PDZRN4: variants seen among roughly 807,000 people sequenced by gnomAD.
PDZRN4 encodes PDZ domain containing ring finger 4, also known as PDZ domain-containing RING finger protein 4.
PDZRN4 carries 70 observed loss-of-function variants against 99.0 expected under a neutral mutation model. The ratio of observed to expected loss-of-function variants is 0.71; its 90% CI spans 0.58 to 0.86. The LOEUF (loss-of-function observed/expected upper bound fraction) is 0.86. Among genes scored for constraint, PDZRN4 ranks in the 40% least tolerant of loss-of-function variants. The probability of loss-of-function intolerance (pLI) is 0.00; values close to 1 mark genes in which losing one functional copy is unlikely to be tolerated. For missense variants in PDZRN4, 1,474 were observed against 1,331.2 expected (o/e 1.11, Z -1.67); for synonymous variants, 551 against 501.6 (o/e 1.10, Z -1.32).
At position 41,191,495 on chromosome 12, in the gene PDZRN4, G is replaced by C. The variant is rs761487419; in HGVS notation, c.686G>C (p.Arg229Thr). The change falls in exon 2 of 10, where the codon AGA becomes ACA. Residue 229 changes from arginine (R) to threonine (T), a missense_variant. By Grantham distance (71) the Arg-to-Thr change is moderately conservative. Transcript: ENST00000402685. ...EHKPFTIVLE[R>T]ENDTLGFNII... ...AAGCCATTCACTATTGTGTTAGAAA[G>C]AGAAAATGACACTTTGGGATTCAAT... 1.3e-6 allele frequency: 2 copies of C among 1,579,108 alleles called. No individual in the cohort carries two copies. Among genetic ancestry groups the C allele is most frequent in the Non-Finnish European group, 1.7e-6 (2 of 1,161,990 alleles).
At chr12:41,422,894 A>G (rs962313728) in intron 3 of PDZRN4, among the ~76,000 whole-genome samples, 2 of 152,088 alleles carry the variant, frequency 1.3e-5, no homozygotes, top group South Asian at 2.1e-4. Context: ...TTCTTTTGTC[A>G]ATATGGCATT....
At chr12:41,490,709 G>T (rs185495095) in intron 3 of PDZRN4, among the ~76,000 whole-genome samples, 2 of 151,874 alleles carry the variant, frequency 1.3e-5, no homozygotes, top group Non-Finnish European at 2.9e-5. Flanking sequence ...AACATCCTTC[G>T]TTTTATTGAT....
intron 3 of PDZRN4, among the ~76,000 whole-genome samples, chr12:41,445,192 T>C (rs1323948966): frequency 2.0e-5 from 3 of 152,084 alleles, no homozygotes; most frequent in Non-Finnish European, 4.4e-5. Context: ...TACTAAAATC[T>C]TAGCTAGAAA....
intron 3 of PDZRN4, among the ~76,000 whole-genome samples, chr12:41,481,050 G>A (rs554932314): frequency 6.6e-6 from 1 of 151,688 alleles, no homozygotes; most frequent in African/African-American, 2.4e-5. Context: ...AGCTGCACAT[G>A]AGGAAAGTGT....
At chr12:41,349,154 T>C (rs1951874298) in intron 3 of PDZRN4, among the ~76,000 whole-genome samples, 1 of 151,970 alleles carries the variant, frequency 6.6e-6, no homozygotes, top group Non-Finnish European at 1.5e-5. Context: ...AACAAAAAGC[T>C]CTTTGGAATC....
intron 5 of PDZRN4, among the ~76,000 whole-genome samples, chr12:41,516,237 T>C (rs1353126927): frequency 6.6e-6 from 1 of 152,100 alleles, no homozygotes; most frequent in Non-Finnish European, 1.5e-5. Context: ...ATTTATGTAC[T>C]TGTCTATTCT....
intron 3 of PDZRN4, among the ~76,000 whole-genome samples, chr12:41,374,758 A>C (rs2121087848): frequency 6.6e-6 from 1 of 152,218 alleles, no homozygotes; most frequent in Non-Finnish European, 1.5e-5. Flanking sequence ...AGTTGGGAGG[A>C]AGGACATTGT....
chr12:41,457,785 A>G (rs1046694218), intron 3 of PDZRN4, among the ~76,000 whole-genome samples: 4 of 152,214 alleles, frequency 2.6e-5, no homozygotes, highest in African/African-American at 4.8e-5. Flanking sequence ...TAGTAAATTA[A>G]CCCAGGGGTT....
intron 3 of PDZRN4, among the ~76,000 whole-genome samples, chr12:41,342,808 A>G (rs551101704): frequency 6.6e-6 from 1 of 152,040 alleles, no homozygotes; most frequent in Admixed American, 6.6e-5. Context: ...AGTTTTCTCA[A>G]AAAATTATAA....
At chr12:41,518,389 CTGTA>C (rs1323235903) in intron 5 of PDZRN4, among the ~76,000 whole-genome samples, 1 of 152,006 alleles carries the variant, frequency 6.6e-6, no homozygotes, top group Non-Finnish European at 1.5e-5. Flanking sequence ...TCTATGTACA[CTGTA>C]TGAGTGCAAT....
chr12:41,395,472 T>C (rs1314455656), intron 3 of PDZRN4, among the ~76,000 whole-genome samples: 1 of 152,188 alleles, frequency 6.6e-6, no homozygotes, highest in Non-Finnish European at 1.5e-5. Flanking sequence ...CTGTTTTTCA[T>C]GAAAGTTTGC....
In PDZRN4 at chr12:41,507,631, A is replaced by G. The variant is rs117398006; in HGVS notation, c.1100+919A>G. Reference sequence around the variant, plus strand: ...CAGAAGCTGTATCAGTACCTGAATCACTCCTTAGGCCAATTAAATGAGAAT... The same window carrying G: ...CAGAAGCTGTATCAGTACCTGAATCGCTCCTTAGGCCAATTAAATGAGAAT... On this transcript the variant is annotated intron_variant, in intron 4 of 9. Coordinates refer to ENST00000402685, the MANE Select transcript of PDZRN4 (RefSeq NM_001164595.2). Among the ~76,000 whole-genome samples, 494 of 151,942 alleles carry G rather than the reference A, an allele frequency of 3.3e-3. 17 individuals carry two copies. In the East Asian group the frequency reaches 0.088, roughly 27 times the overall value.
intron 3 of PDZRN4, among the ~76,000 whole-genome samples, chr12:41,359,061 G>A (rs111556857): frequency 0.012 from 1,861 of 151,936 alleles, 42 homozygotes; most frequent in African/African-American, 0.043. Flanking sequence ...TTTACATTAC[G>A]TTGTTAACTG....
intron 3 of PDZRN4, among the ~76,000 whole-genome samples, chr12:41,404,522 G>A (rs1200283334): frequency 6.6e-6 from 1 of 151,912 alleles, no homozygotes; most frequent in Middle Eastern, 3.2e-3. Flanking sequence ...ACAAGTAAAT[G>A]GAAAAACATT....
At chr12:41,503,171 T>A (rs1428197961) in intron 3 of PDZRN4, among the ~76,000 whole-genome samples, 6 of 152,044 alleles carry the variant, frequency 3.9e-5, no homozygotes, top group South Asian at 4.1e-4. Flanking sequence ...TTCTAAGGGA[T>A]CATGTGTAGC....
intron 3 of PDZRN4, among the ~76,000 whole-genome samples, chr12:41,394,827 A>G (rs1372957775): frequency 6.6e-6 from 1 of 151,972 alleles, no homozygotes; most frequent in Non-Finnish European, 1.5e-5. Flanking sequence ...AGAGAGAGAG[A>G]AAGAGAGGGC....
intron 4 of PDZRN4, among the ~76,000 whole-genome samples, chr12:41,508,737 G>A (rs1242629984): frequency 1.3e-5 from 2 of 152,114 alleles, no homozygotes; most frequent in Non-Finnish European, 2.9e-5. Context: ...CCTGTGTGGA[G>A]CTGACAGCCA....
intron 3 of PDZRN4, among the ~76,000 whole-genome samples, chr12:41,375,380 G>A (rs752470591): frequency 6.6e-6 from 1 of 152,116 alleles, no homozygotes; most frequent in Non-Finnish European, 1.5e-5. Flanking sequence ...ACTACAATTA[G>A]ATGATAGATA....
At position 41,572,750 on chromosome 12, in the gene PDZRN4, G is replaced by A. The variant is rs1939504759; in HGVS notation, c.1971G>A (p.Gly657=). The change falls in exon 10 of 10, where the codon GGG becomes GGA. Residue 657 remains glycine (G), a synonymous_variant. Coordinates refer to ENST00000402685, the MANE Select transcript of PDZRN4 (RefSeq NM_001164595.2). The stretch of plus-strand genomic sequence containing the variant: ...GCAGCACAATTGAATGCAATCAAGG[G>A]GAGCAAGAGGGAGTGGAGCATGAGC... ...YSSSTIECNQ[G]EQEGVEHELQ... The A allele has an allele frequency of 6.2e-6, 10 of 1,614,112 alleles. No individual in the cohort carries two copies. Among genetic ancestry groups the A allele is most frequent in the Non-Finnish European group, 8.5e-6 (10 of 1,180,004 alleles).
Sources: allele counts gnomAD v4.1 joint callset (sites outside exome capture counted in the v4.1 genomes callset), GRCh38; gene constraint gnomAD v4.1.1; transcripts MANE v1.5; gene names NCBI Gene and HGNC (gene_info 2026-07-23, HGNC 2026-07-21).